RBMS3: variants seen among roughly 807,000 people sequenced by gnomAD.
RBMS3 encodes the protein RNA-binding motif, single-stranded-interacting protein 3.
RBMS3 carries 27 observed loss-of-function variants against 66.8 expected under a neutral mutation model. That is an observed-to-expected ratio of 0.40 (90% CI 0.30 to 0.56). The LOEUF (loss-of-function observed/expected upper bound fraction) is 0.56, where lower values mean the gene tolerates loss of function less well. RBMS3 is among the 20% of genes least tolerant of loss of function. The pLI is 0.40. For synonymous variants in RBMS3, 188 were observed against 183.0 expected (o/e 1.03, Z -0.22); for missense variants, 513 against 549.5 (o/e 0.93, Z 0.66).
At chr3:29,817,104 G>A (rs1351815037) in intron 6 of RBMS3, among the ~76,000 whole-genome samples, 2 of 151,178 alleles carry the variant, frequency 1.3e-5, no homozygotes, top group East Asian at 3.9e-4. Flanking sequence ...AAATAAATAA[G>A]GAAAAAAGTA....
intron 1 of RBMS3, among the ~76,000 whole-genome samples, chr3:29,414,604 G>A (rs1420844248): frequency 1.3e-5 from 2 of 152,098 alleles, no homozygotes; most frequent in African/African-American, 2.4e-5. Context: ...TGTGTTACAT[G>A]TTTCAGTCTT....
chr3:29,750,779 CAA>C (rs1339809042), intron 5 of RBMS3, among the ~76,000 whole-genome samples: 1 of 152,108 alleles, frequency 6.6e-6, no homozygotes, highest in Non-Finnish European at 1.5e-5. Context: ...TCTTATTTGA[CAA>C]TGCTTCCTAT....
intron 6 of RBMS3, among the ~76,000 whole-genome samples, chr3:29,812,906 G>A (rs942901413): frequency 6.6e-6 from 1 of 151,940 alleles, no homozygotes; most frequent in African/African-American, 2.4e-5. Context: ...CTAATCATAT[G>A]TGCATCTGTG....
chr3:29,480,083 A>C (rs2043079109), intron 2 of RBMS3, among the ~76,000 whole-genome samples: 1 of 152,244 alleles, frequency 6.6e-6, no homozygotes. Flanking sequence ...AATATCTAAT[A>C]ACTCTAACTG....
At chr3:29,701,055 C>T (rs1204013036) in intron 4 of RBMS3, among the ~76,000 whole-genome samples, 2 of 152,036 alleles carry the variant, frequency 1.3e-5, no homozygotes, top group Non-Finnish European at 2.9e-5. Context: ...ACTCTGCCCG[C>T]CTTGGCCTCC....
chr3:29,511,179 C>G (rs2044391387), intron 3 of RBMS3, among the ~76,000 whole-genome samples: 1 of 152,080 alleles, frequency 6.6e-6, no homozygotes, highest in East Asian at 1.9e-4. Context: ...CACCTGTAAT[C>G]CCAGCTACTT....
chr3:29,997,887 C>T (rs1022377257), intron 14 of RBMS3, among the ~76,000 whole-genome samples: 1 of 152,188 alleles, frequency 6.6e-6, no homozygotes, highest in Non-Finnish European at 1.5e-5. Flanking sequence ...CTCACCACTC[C>T]TATTCAACAT....
chr3:29,666,447 A>G (rs553477269), intron 4 of RBMS3, among the ~76,000 whole-genome samples: 4 of 152,298 alleles, frequency 2.6e-5, no homozygotes, highest in Admixed American at 6.5e-5. Context: ...GAGTAAATGC[A>G]CATTTACTGC....
At chr3:29,888,719 G>A (rs989937960) in intron 8 of RBMS3, among the ~76,000 whole-genome samples, 10 of 151,454 alleles carry the variant, frequency 6.6e-5, no homozygotes, top group East Asian at 2.0e-4. Context: ...CAAACAAAAC[G>A]CACATATCAA....
chr3:29,412,663 G>A (rs2040313292), intron 1 of RBMS3, among the ~76,000 whole-genome samples: 1 of 152,154 alleles, frequency 6.6e-6, no homozygotes, highest in Non-Finnish European at 1.5e-5. Context: ...GTATATGTAA[G>A]TGCTGAGAAT....
chr3:29,386,648 A>C (rs540623484), intron 1 of RBMS3, among the ~76,000 whole-genome samples: 12 of 152,148 alleles, frequency 7.9e-5, no homozygotes, highest in Non-Finnish European at 1.8e-4. Flanking sequence ...CTACCAGCAT[A>C]CAGACATGCT....
intron 12 of RBMS3, among the ~76,000 whole-genome samples, chr3:29,965,611 G>A (rs933574598): frequency 2.6e-5 from 4 of 152,102 alleles, no homozygotes; most frequent in African/African-American, 9.7e-5. Flanking sequence ...TGAGTTAACT[G>A]TAGATTCTGG....
intron 4 of RBMS3, among the ~76,000 whole-genome samples, chr3:29,669,499 A>G (rs558569892): frequency 9.7e-4 from 148 of 152,312 alleles, no homozygotes; most frequent in African/African-American, 3.3e-3. Context: ...ATTGTACCAC[A>G]CGGTTTTTAA....
chr3:29,769,227 C>T (rs2056079384), intron 6 of RBMS3, among the ~76,000 whole-genome samples: 1 of 151,804 alleles, frequency 6.6e-6, no homozygotes, highest in African/African-American at 2.4e-5. Context: ...AGAACGGTGG[C>T]ATGGCCAACT....
intron 1 of RBMS3, among the ~76,000 whole-genome samples, chr3:29,297,147 G>T (rs1057292209): frequency 2.6e-5 from 4 of 151,542 alleles, no homozygotes; most frequent in Admixed American, 2.0e-4. Flanking sequence ...GCTTTAATAC[G>T]ATTTCCCCAG....
intron 12 of RBMS3, among the ~76,000 whole-genome samples, chr3:29,946,530 AAT>A (rs1695326965): frequency 6.6e-6 from 1 of 151,704 alleles, no homozygotes; most frequent in African/African-American, 2.4e-5. Flanking sequence ...CCCTGATTAA[AAT>A]ATTATGGTAT....
chr3:29,439,895 A>AG (rs2041551643), intron 2 of RBMS3, among the ~76,000 whole-genome samples: 1 of 152,208 alleles, frequency 6.6e-6, no homozygotes, highest in Admixed American at 6.5e-5. Flanking sequence ...TGGATGGATG[A>AG]TCAGTTGAAG....
intron 12 of RBMS3, among the ~76,000 whole-genome samples, chr3:29,945,438 G>A (rs1307268352): frequency 1.3e-5 from 2 of 151,558 alleles, no homozygotes; most frequent in Non-Finnish European, 3.0e-5. Context: ...AAGTCATTTC[G>A]GTCCTCTTTA....
intron 11 of RBMS3, among the ~76,000 whole-genome samples, chr3:29,940,872 C>T (rs192541639): frequency 2.0e-5 from 3 of 151,846 alleles, no homozygotes; most frequent in African/African-American, 7.2e-5. Context: ...TTTGTCACAG[C>T]ATTCCCTTGA....
Sources: allele counts gnomAD v4.1 joint callset (sites outside exome capture counted in the v4.1 genomes callset), GRCh38; gene constraint gnomAD v4.1.1; transcripts MANE v1.5; gene names NCBI Gene and HGNC (gene_info 2026-07-23, HGNC 2026-07-21).